Variants in SSH2 observed in about 807,000 individuals in gnomAD.
SSH2 encodes slingshot protein phosphatase 2, also known as protein phosphatase Slingshot homolog 2.
A neutral mutation model predicts 135.2 loss-of-function variants in SSH2; 37 were observed. The ratio of observed to expected loss-of-function variants is 0.27; its 90% CI spans 0.21 to 0.36. The LOEUF is 0.36. Ranked by LOEUF, SSH2 falls within the 10% of genes least tolerant of loss-of-function variation. SSH2 has a pLI of 1.00. For synonymous variants in SSH2, 628 were observed against 646.2 expected, an observed-to-expected ratio of 0.97 and a Z score of 0.43; for missense variants, 1,408 against 1,765.3, an observed-to-expected ratio of 0.80 and a Z score of 3.63.
At chr17:29,709,447 A>C (rs2039356297) in intron 3 of SSH2, among the ~76,000 whole-genome samples, 2 of 152,076 alleles carry the variant, frequency 1.3e-5, no homozygotes, top group African/African-American at 4.8e-5. Context: ...GAGGCCAAGG[A>C]GGGTGGATCA....
chr17:29,918,189 TAATC>T (rs941049566), intron 1 of SSH2, among the ~76,000 whole-genome samples: 3 of 151,958 alleles, frequency 2.0e-5, no homozygotes, highest in Admixed American at 6.6e-5. Context: ...CTGTCTCAAA[TAATC>T]AATCAATCAA....
chr17:29,677,124 TA>T (rs2037754396), intron 7 of SSH2, among the ~76,000 whole-genome samples: 1 of 152,236 alleles, frequency 6.6e-6, no homozygotes, highest in South Asian at 2.1e-4. Context: ...GAGAATTCAA[TA>T]CAGTTTCCCA....
intron 2 of SSH2, among the ~76,000 whole-genome samples, chr17:29,832,021 C>T (rs2042854429): frequency 6.6e-6 from 1 of 152,198 alleles, no homozygotes; most frequent in Non-Finnish European, 1.5e-5. Flanking sequence ...GGACTATTCT[C>T]TTCTTGTGCC....
At chr17:29,783,321 T>TAC (rs2041884199) in intron 3 of SSH2, among the ~76,000 whole-genome samples, 1 of 142,580 alleles carries the variant, frequency 7.0e-6, no homozygotes, top group African/African-American at 2.6e-5. Context: ...ACATATATTA[T>TAC]ATATATATAT....
intron 1 of SSH2, among the ~76,000 whole-genome samples, chr17:29,908,154 T>A (rs2066691264): frequency 1.3e-5 from 2 of 152,000 alleles, no homozygotes; most frequent in Non-Finnish European, 2.9e-5. Flanking sequence ...TTTCCCTAAA[T>A]TTTTCACTAA....
chr17:29,667,070 C>T (rs2037308299), intron 10 of SSH2, 60 bp downstream of exon 10: 2 of 1,606,484 alleles, frequency 1.2e-6, no homozygotes, highest in East Asian at 4.5e-5. Context: ...ATTTCCAGCC[C>T]CACACCTACT....
At chr17:29,788,903 T>G (rs894118429) in intron 3 of SSH2, among the ~76,000 whole-genome samples, 1 of 152,222 alleles carries the variant, frequency 6.6e-6, no homozygotes, top group African/African-American at 2.4e-5. Flanking sequence ...TGCTTCCATC[T>G]TCTTAGAGAA....
intron 4 of SSH2, among the ~76,000 whole-genome samples, chr17:29,701,773 G>A (rs2038993987): frequency 6.6e-6 from 1 of 151,864 alleles, no homozygotes; most frequent in East Asian, 1.9e-4. Flanking sequence ...GTTTCACCAT[G>A]TTGGCCAGGC....
chr17:29,920,850 G>A (rs1308879514), intron 1 of SSH2, among the ~76,000 whole-genome samples: 1 of 151,966 alleles, frequency 6.6e-6, no homozygotes, highest in Non-Finnish European at 1.5e-5. Context: ...GTAAATGTCT[G>A]TATATACAAA....
chr17:29,663,945 G>A (rs1465244714), intron 11 of SSH2, among the ~76,000 whole-genome samples: 1 of 152,040 alleles, frequency 6.6e-6, no homozygotes, highest in Non-Finnish European at 1.5e-5. Context: ...GCATGTGTTG[G>A]GATAAGTTGT....
chr17:29,899,818 T>G (rs558545599), intron 1 of SSH2, among the ~76,000 whole-genome samples: 1 of 152,220 alleles, frequency 6.6e-6, no homozygotes, highest in South Asian at 2.1e-4. Context: ...GAGCCCACAT[T>G]GCCAAGTCAA....
rs146569353 is a variant in SSH2 at position 29,658,999 on chromosome 17, G to T, written c.1033-3392C>A. Among the ~76,000 whole-genome samples, 3 of 150,824 alleles carry T rather than the reference G, an allele frequency of 2.0e-5. No homozygotes were observed. The East Asian group carries it at 5.8e-4, about 29-fold the overall frequency. On this transcript the variant is annotated intron_variant, in intron 11 of 15. Transcript: ENST00000540801. ...TTTGAAAAAATATAAGCAAACATATGCTTATTGCTACTTCTTACTCATATT... is the reference window on the plus strand; with the variant it reads ...TTTGAAAAAATATAAGCAAACATATTCTTATTGCTACTTCTTACTCATATT...
chr17:29,928,312 A>G (rs562306221), intron 1 of SSH2: 146 of 385,504 alleles, frequency 3.8e-4, no homozygotes, highest in African/African-American at 2.8e-3. Flanking sequence ...TTCCTATGAT[A>G]CTTGTCTTCA....
intron 2 of SSH2, among the ~76,000 whole-genome samples, chr17:29,803,751 C>G (rs1436581592): frequency 6.6e-6 from 1 of 152,188 alleles, no homozygotes; most frequent in African/African-American, 2.4e-5. Flanking sequence ...AGTAGAGCTC[C>G]TAAAGCCTAG....
At chr17:29,873,818 T>C (rs752794065) in intron 1 of SSH2, among the ~76,000 whole-genome samples, 4 of 152,164 alleles carry the variant, frequency 2.6e-5, no homozygotes, top group Non-Finnish European at 4.4e-5. Flanking sequence ...GAACAGAAAT[T>C]GCTATCAGTG....
At chr17:29,925,571 A>T (rs2067049502) in intron 1 of SSH2, 2 of 398,228 alleles carry the variant, frequency 5.0e-6, no homozygotes, top group South Asian at 2.6e-4. Context: ...AAGAAAAAAA[A>T]TTAAAATTAG....
At chr17:29,928,138 T>C (rs2067102090) in intron 1 of SSH2, 1 of 164,012 alleles carries the variant, frequency 6.1e-6, no homozygotes, top group East Asian at 1.7e-4. Context: ...TTTATTTGCA[T>C]GACTCTACTA....
intron 1 of SSH2, among the ~76,000 whole-genome samples, chr17:29,898,428 T>C (rs924677302): frequency 3.6e-4 from 54 of 151,788 alleles, no homozygotes; most frequent in African/African-American, 1.2e-3. Context: ...ATAGACACAA[T>C]AAAAAATGAT....
intron 6 of SSH2, among the ~76,000 whole-genome samples, chr17:29,680,770 T>C (rs1366652075): frequency 6.6e-6 from 1 of 151,942 alleles, no homozygotes; most frequent in East Asian, 1.9e-4. Flanking sequence ...CTTCCCAAGA[T>C]GAAGTGGGGA....
Sources: gnomAD v4.1 joint callset for allele counts (sites outside exome capture counted in the v4.1 genomes callset) on GRCh38, gnomAD v4.1.1 for gene constraint, MANE v1.5 for transcripts, NCBI Gene and HGNC (gene_info 2026-07-23, HGNC 2026-07-21) for gene names.